The following CHCHD3 variants were observed in gnomAD, a reference collection of about 807,000 sequenced individuals.
CHCHD3 encodes MICOS complex subunit MIC19.
CHCHD3 carries 20 observed loss-of-function variants against 38.2 expected under a neutral mutation model. That is an observed-to-expected ratio of 0.52 (90% CI 0.37 to 0.76). CHCHD3 has a LOEUF of 0.76. CHCHD3 is among the 30% of genes least tolerant of loss of function. CHCHD3 has a pLI of 0.00. For missense variants in CHCHD3, 245 were observed against 279.2 expected (o/e 0.88, Z 0.87); for synonymous variants, 82 against 100.0 (o/e 0.82, Z 1.07).
At chr7:132,844,038 G>A (rs1019143073) in intron 5 of CHCHD3, among the ~76,000 whole-genome samples, 20 of 152,208 alleles carry the variant, frequency 1.3e-4, no homozygotes, top group Non-Finnish European at 2.4e-4. Flanking sequence ...AGTGGCTCAC[G>A]CCTGTAATCC....
At position 132,836,336 on chromosome 7, in the gene CHCHD3, T is replaced by C. The variant is rs140430060; in HGVS notation, c.524+2063A>G. On this transcript the variant is annotated intron_variant, in intron 6 of 7. Transcript: ENST00000262570. ...AGTTTTGCCACGTTGCCCAGGCTGA[T>C]CTTGAACTCCTGGCCTCAAGTGATC... is the stretch of plus-strand genomic sequence containing the variant. 4.6e-3 allele frequency among the ~76,000 whole-genome samples: 707 copies of C among 152,246 alleles called. 8 individuals are homozygous for C. Among genetic ancestry groups the C allele is most frequent in the African/African-American group, 0.016 (665 of 41,540 alleles).
intron 4 of CHCHD3, among the ~76,000 whole-genome samples, chr7:132,930,592 C>G (rs555469540): frequency 3.4e-4 from 52 of 152,266 alleles, no homozygotes; most frequent in African/African-American, 1.2e-3. Flanking sequence ...TACCACATTT[C>G]TAACATATTT....
At chr7:132,842,055 G>A (rs748478585) in intron 5 of CHCHD3, among the ~76,000 whole-genome samples, 5 of 151,928 alleles carry the variant, frequency 3.3e-5, no homozygotes, top group African/African-American at 4.8e-5. Context: ...CCAAGATCGC[G>A]CCATTGCATT....
At chr7:132,902,113 C>T (rs1364788355) in intron 4 of CHCHD3, among the ~76,000 whole-genome samples, 1 of 152,128 alleles carries the variant, frequency 6.6e-6, no homozygotes, top group Non-Finnish European at 1.5e-5. Flanking sequence ...TTGTCAAAAA[C>T]CACAATGAGA....
At chr7:133,049,345 G>A (rs1214679633) in intron 2 of CHCHD3, among the ~76,000 whole-genome samples, 1 of 152,208 alleles carries the variant, frequency 6.6e-6, no homozygotes, top group Non-Finnish European at 1.5e-5. Context: ...CCACAATAGA[G>A]CTTCTAAAGG....
At position 132,800,371 on chromosome 7, in the gene CHCHD3, C is replaced by T. The variant is rs555527223; in HGVS notation, c.525-3794G>A. Among the ~76,000 whole-genome samples, 5 of 152,294 alleles carry T rather than the reference C, an allele frequency of 3.3e-5. No homozygotes were observed. The South Asian group carries it at 6.2e-4, about 19-fold the overall frequency. On this transcript the variant is annotated intron_variant, in intron 6 of 7. Coordinates refer to ENST00000262570, the MANE Select transcript of CHCHD3 (RefSeq NM_017812.4). ...TATTCAGAAGTCCCCTCTTAAGACT[C>T]TATAACACAGTTACACTCGGTTATC... is the stretch of plus-strand genomic sequence containing the variant.
intron 4 of CHCHD3, among the ~76,000 whole-genome samples, chr7:132,944,831 C>A (rs1810857773): frequency 6.6e-6 from 1 of 151,904 alleles, no homozygotes; most frequent in South Asian, 2.1e-4. Context: ...GTATAATAAA[C>A]ATTTGCATTT....
intron 3 of CHCHD3, among the ~76,000 whole-genome samples, chr7:132,997,737 G>C (rs934300371): frequency 6.9e-6 from 1 of 144,326 alleles, no homozygotes; most frequent in African/African-American, 2.6e-5. Flanking sequence ...AATTTTGTCA[G>C]AGACCAATGC....
intron 4 of CHCHD3, among the ~76,000 whole-genome samples, chr7:132,927,277 C>T (rs559491701): frequency 6.6e-6 from 1 of 152,304 alleles, no homozygotes; most frequent in East Asian, 1.9e-4. Flanking sequence ...TTATTAGGCA[C>T]AAAGAAGCTA....
intron 4 of CHCHD3, among the ~76,000 whole-genome samples, chr7:132,944,362 G>T (rs149194157): frequency 1.0e-3 from 159 of 151,602 alleles, no homozygotes; most frequent in Admixed American, 2.8e-3. Context: ...AGTGCAGATT[G>T]GCTAAGATTT....
In CHCHD3 at chr7:133,020,115, A is replaced by G. The variant is rs147484766; in HGVS notation, c.251+4431T>C. Among the ~76,000 whole-genome samples the G allele has an allele frequency of 4.8e-3, 729 of 152,324 alleles. 4 individuals are homozygous for G. Among genetic ancestry groups the G allele is most frequent in the South Asian group, 0.012 (59 of 4,818 alleles). On this transcript the variant is annotated intron_variant, in intron 3 of 7. Coordinates refer to ENST00000262570, the MANE Select transcript of CHCHD3 (RefSeq NM_017812.4). ...TAGACCCAAAAATTTTCGTGTGTGC[A>G]CTAATCTATCAGCGATTTGTGCGGG...
intron 3 of CHCHD3, among the ~76,000 whole-genome samples, chr7:132,998,342 G>A (rs2117385928): frequency 6.6e-6 from 1 of 152,294 alleles, no homozygotes. Context: ...ATTTGATGCA[G>A]AAGAAAAATG....
intron 6 of CHCHD3, among the ~76,000 whole-genome samples, chr7:132,801,141 T>C (rs1182828023): frequency 6.6e-6 from 1 of 152,210 alleles, no homozygotes; most frequent in African/African-American, 2.4e-5. Context: ...TTCACTTTTG[T>C]TTTTCTCATC....
At chr7:132,830,693 A>G (rs981160434) in intron 6 of CHCHD3, 1 of 152,214 alleles carries the variant, frequency 6.6e-6, no homozygotes, top group Admixed American at 6.5e-5. Context: ...TCAATTTCAG[A>G]AATGAAATCC....
chr7:132,974,798 C>T lies in CHCHD3; in HGVS notation c.369+371G>A, dbSNP rs528318903. Reference sequence around the variant, plus strand: ...CTGAGGCTGGAGAATCACTTGAACCCCGGAGGCGGAGGTTGCAGTGAGCTG... The same window carrying T: ...CTGAGGCTGGAGAATCACTTGAACCTCGGAGGCGGAGGTTGCAGTGAGCTG... On this transcript the variant is annotated intron_variant, in intron 4 of 7. Coordinates refer to ENST00000262570, the MANE Select transcript of CHCHD3 (RefSeq NM_017812.4). 2.1e-3 allele frequency among the ~76,000 whole-genome samples: 325 copies of T among 152,020 alleles called. 1 individual carries two copies. The highest frequency in any genetic ancestry group is 7.1e-3 in the African/African-American group (295 of 41,472).
chr7:132,907,956 T>C (rs1003721198), intron 4 of CHCHD3, among the ~76,000 whole-genome samples: 10 of 151,380 alleles, frequency 6.6e-5, no homozygotes, highest in Admixed American at 6.6e-5. Context: ...CCCAGGGAAA[T>C]GTACAAGAAT....
chr7:133,024,759 T>C (rs1813289940), intron 2 of CHCHD3, 132 bp from the exon 3 acceptor site: 4 of 681,020 alleles, frequency 5.9e-6, no homozygotes, highest in South Asian at 5.0e-5. Flanking sequence ...CAGCGTCTCC[T>C]TGGAACTTCT....
At chr7:132,960,450 T>C (rs1030302709) in intron 4 of CHCHD3, among the ~76,000 whole-genome samples, 1 of 152,168 alleles carries the variant, frequency 6.6e-6, no homozygotes, top group Non-Finnish European at 1.5e-5. Flanking sequence ...GGGTTGAAAC[T>C]GAGCCACTCT....
At chr7:132,853,772 T>C (rs1285495908) in intron 5 of CHCHD3, among the ~76,000 whole-genome samples, 1 of 152,168 alleles carries the variant, frequency 6.6e-6, no homozygotes, top group Non-Finnish European at 1.5e-5. Context: ...TCTACTTTTA[T>C]CACTGGCATC....
Sources: allele counts gnomAD v4.1 joint callset (sites outside exome capture counted in the v4.1 genomes callset), GRCh38; gene constraint gnomAD v4.1.1; transcripts MANE v1.5; gene names NCBI Gene and HGNC (gene_info 2026-07-23, HGNC 2026-07-21).